MKRN2: variants seen among roughly 807,000 people sequenced by gnomAD.
The protein encoded by MKRN2 is E3 ubiquitin-protein ligase makorin-2.
In MKRN2, 32 loss-of-function variants were observed where a neutral mutation model predicts 45.4. The observed-to-expected ratio is 0.70, with a 90% CI of 0.53 to 0.95. MKRN2 has a LOEUF of 0.95. Ranked by LOEUF, MKRN2 falls within the 40% of genes least tolerant of loss-of-function variation. MKRN2 has a pLI of 0.00. For synonymous variants in MKRN2, 206 were observed against 192.4 expected (o/e 1.07, Z -0.59); for missense variants, 526 against 536.7 (o/e 0.98, Z 0.20).
chr3:12,566,377 G>GTTTGT (rs559674835), intron 1 of MKRN2, among the ~76,000 whole-genome samples: 2,618 of 152,168 alleles, frequency 0.017, 35 homozygotes, highest in Non-Finnish European at 0.027. Flanking sequence ...TTTCAGTTGG[G>GTTTGT]TTTGTTTTGT....
chr3:12,570,159 C>T lies in MKRN2; in HGVS notation c.244C>T (p.His82Tyr), dbSNP rs1311713868. Residue 82 changes from histidine to tyrosine, a missense_variant, in exon 3 of 8, where the codon CAC becomes TAC. His to Tyr is a moderately conservative substitution (Grantham distance 83, BLOSUM62 2). Coordinates refer to ENST00000170447, the MANE Select transcript of MKRN2 (RefSeq NM_014160.5). ...GCCCTCCCCAGCTTTCCACAGTCCT[C>T]ACCCTCCTTCCGAGGTCACTGCATC... is the stretch of plus-strand genomic sequence containing the variant. ...SVPSPAFHSPHPPSEVTASIV... is the reference protein window; with the variant it reads ...SVPSPAFHSPYPPSEVTASIV... 1 of 1,614,160 alleles carries T rather than the reference C, an allele frequency of 6.2e-7. No homozygotes were observed. The highest frequency in any genetic ancestry group is 8.5e-7 in the Non-Finnish European group (1 of 1,180,022).
intron 4 of MKRN2, among the ~76,000 whole-genome samples, chr3:12,573,750 G>A (rs1374411211): frequency 6.6e-6 from 1 of 151,946 alleles, no homozygotes; most frequent in Non-Finnish European, 1.5e-5. Flanking sequence ...AAAGTTAACT[G>A]GGTGTGGTGG....
At chr3:12,576,187 A>ATG (rs1296884589) in intron 5 of MKRN2, among the ~76,000 whole-genome samples, 195 of 128,844 alleles carry the variant, frequency 1.5e-3, no homozygotes, top group African/African-American at 6.2e-3. Flanking sequence ...AGGAAACCAT[A>ATG]TATGTGTGTG....
chr3:12,564,874 A>G lies in MKRN2; in HGVS notation c.27-4001A>G, dbSNP rs145536668. ...TTGCATATAAATGGAATCATGCAACATGTGGTCTTTTGTGTCCAGCTTCTT... is the reference window on the plus strand; with the variant it reads ...TTGCATATAAATGGAATCATGCAACGTGTGGTCTTTTGTGTCCAGCTTCTT... On this transcript the variant is annotated intron_variant, in intron 1 of 7. Transcript: ENST00000170447. Among the ~76,000 whole-genome samples, 558 of 152,338 alleles carry G rather than the reference A, an allele frequency of 3.7e-3. 3 individuals are homozygous for G. The highest frequency in any genetic ancestry group is 5.0e-3 in the Non-Finnish European group (341 of 68,030).
At chr3:12,561,384 TTTC>T (rs1425267806) in intron 1 of MKRN2, among the ~76,000 whole-genome samples, 1 of 152,234 alleles carries the variant, frequency 6.6e-6, no homozygotes, top group African/African-American at 2.4e-5. Context: ...TAAAAAAGTC[TTTC>T]TTCTTGTCTG....
At chr3:12,567,371 A>C (rs2058074580) in intron 1 of MKRN2, among the ~76,000 whole-genome samples, 3 of 151,942 alleles carry the variant, frequency 2.0e-5, no homozygotes, top group Non-Finnish European at 4.4e-5. Context: ...CCTGGGTTTA[A>C]GCAATCCTCC....
Position 12,576,705 on chromosome 3 carries a change from A to AGAACGAGTT in MKRN2, c.935_943dup (p.Asn312_Leu314dup). 1 of 1,609,868 alleles carries AGAACGAGTT rather than the reference A, an allele frequency of 6.2e-7. No homozygotes were observed. Among genetic ancestry groups the AGAACGAGTT allele is most frequent in the Non-Finnish European group, 8.5e-7 (1 of 1,176,384 alleles). ...TATTGGGTGGAAGATCAGAATAAAA[A>AGAACGAGTT]GAACGAGTTGATTGAAGCTTTCAAA... On this transcript the variant is annotated inframe_insertion, in exon 6 of 8. Coordinates refer to ENST00000170447, the MANE Select transcript of MKRN2 (RefSeq NM_014160.5).
Position 12,574,880 on chromosome 3 carries a change from T to G in MKRN2, c.731T>G (p.Val244Gly), listed in dbSNP as rs181470563. The change falls in exon 5 of 8, where the codon GTG becomes GGG. Residue 244 changes from valine to glycine, a missense_variant. Transcript: ENST00000170447. ...QDKVCSICME[V>G]ILEKASASER... ...AAAGTGTGCAGTATCTGCATGGAAG[T>G]GATCCTGGAGAAGGCCTCTGCTTCT... 43 of 1,614,220 alleles carry G rather than the reference T, an allele frequency of 2.7e-5. No individual in the cohort carries two copies. In the African/African-American group the frequency reaches 5.6e-4, roughly 21 times the overall value.
At chr3:12,568,180 G>C (rs1419681354) in intron 1 of MKRN2, among the ~76,000 whole-genome samples, 1 of 152,160 alleles carries the variant, frequency 6.6e-6, no homozygotes, top group Non-Finnish European at 1.5e-5. Context: ...AAGTAAGGTA[G>C]CCCAGGCTGA....
chr3:12,557,638 C>G (rs939983821), intron 1 of MKRN2, among the ~76,000 whole-genome samples: 1 of 152,252 alleles, frequency 6.6e-6, no homozygotes, highest in Non-Finnish European at 1.5e-5. Flanking sequence ...GCAATCTAAA[C>G]TTGCAGAGAG....
intron 6 of MKRN2, 76 bp from the exon 7 acceptor site, chr3:12,581,732 A>T (rs1304472240): frequency 2.6e-5 from 39 of 1,527,544 alleles, no homozygotes; most frequent in Non-Finnish European, 3.1e-5. Context: ...GGTGGTAAGG[A>T]TGGAGGCAGG....
At chr3:12,566,215 G>A (rs1392049996) in intron 1 of MKRN2, among the ~76,000 whole-genome samples, 2 of 152,182 alleles carry the variant, frequency 1.3e-5, no homozygotes, top group Non-Finnish European at 2.9e-5. Context: ...TGATTTGCCT[G>A]AGGTTCTACT....
At chr3:12,577,614 G>C (rs927165751) in intron 6 of MKRN2, among the ~76,000 whole-genome samples, 1 of 151,814 alleles carries the variant, frequency 6.6e-6, no homozygotes, top group Non-Finnish European at 1.5e-5. Flanking sequence ...TTTTATCCTT[G>C]ACATTGTAAA....
At chr3:12,580,119 A>T (rs1253903689) in intron 6 of MKRN2, among the ~76,000 whole-genome samples, 1 of 149,078 alleles carries the variant, frequency 6.7e-6, no homozygotes, top group African/African-American at 2.6e-5. Context: ...AGAGCCGAGG[A>T]CACAGAGTGA....
rs553475033 is a variant in MKRN2 at position 12,583,230 on chromosome 3, T to G, written c.*977T>G. The G allele has an allele frequency of 1.3e-5, 2 of 152,414 alleles. No homozygotes were observed. Among genetic ancestry groups the G allele is most frequent in the South Asian group, 4.1e-4 (2 of 4,826 alleles). The allele number at this position is 152,414 out of a possible 1,614,324, so 9.4% of individuals were successfully genotyped here. ...CCTGAAGAGAGCTGATGGCAAGTCT[T>G]GTAGTCATTTTGATTTTAATTGAAG... On this transcript the variant is annotated 3_prime_UTR_variant, in exon 8 of 8. Coordinates refer to ENST00000170447, the MANE Select transcript of MKRN2 (RefSeq NM_014160.5).
chr3:12,559,069 C>G (rs1397289275), intron 1 of MKRN2, among the ~76,000 whole-genome samples: 1 of 152,126 alleles, frequency 6.6e-6, no homozygotes, highest in South Asian at 2.1e-4. Flanking sequence ...CAGGACTTAT[C>G]AAAGCTTTTA....
chr3:12,568,101 T>G (rs537084220), intron 1 of MKRN2, among the ~76,000 whole-genome samples: 5 of 152,348 alleles, frequency 3.3e-5, no homozygotes, highest in African/African-American at 1.2e-4. Flanking sequence ...ATTCTACACT[T>G]TATTGTAAAA....
chr3:12,568,983 T>C lies in MKRN2; in HGVS notation c.135T>C (p.Cys45=), dbSNP rs2058083766. 3 of 1,613,944 alleles carry C rather than the reference T, an allele frequency of 1.9e-6. No individual in the cohort carries two copies. Among genetic ancestry groups the C allele is most frequent in the African/African-American group, 2.7e-5 (2 of 74,928 alleles). ...TICKYYQKGY[C]AYGTRCRYDH... is the part of the protein sequence containing the mutation. ...GCAAGTACTACCAGAAGGGCTACTG[T>C]GCCTATGGAACTCGGTGCAGGCAAG... Residue 45 remains cysteine (C), a synonymous_variant, in exon 2 of 8, where the codon TGT becomes TGC. Transcript: ENST00000170447.
intron 6 of MKRN2, 93 bp downstream of exon 6, chr3:12,576,834 AG>A: frequency 2.7e-6 from 2 of 739,054 alleles, no homozygotes; most frequent in Admixed American, 4.8e-5. Context: ...GTGTGGTCTT[AG>A]GGGCCTCTTC....
Sources: gnomAD v4.1 joint callset for allele counts (sites outside exome capture counted in the v4.1 genomes callset) on GRCh38, gnomAD v4.1.1 for gene constraint, MANE v1.5 for transcripts, NCBI Gene and HGNC (gene_info 2026-07-23, HGNC 2026-07-21) for gene names.